The following SMIM15 variants were observed in gnomAD, a reference collection of about 807,000 sequenced individuals.
The protein encoded by SMIM15 is UPF0542 protein C5orf43.
A neutral mutation model predicts 6.8 loss-of-function variants in SMIM15; 5 were observed. The observed-to-expected ratio is 0.74, with a 90% CI of 0.39 to 1.56. The LOEUF (loss-of-function observed/expected upper bound fraction) is 1.56. SMIM15 is among the 40% of genes most tolerant of loss of function. The pLI is 0.03. For synonymous variants in SMIM15, 30 were observed against 30.8 expected, an observed-to-expected ratio of 0.97 and a Z score of 0.09; for missense variants, 81 against 84.8, an observed-to-expected ratio of 0.96 and a Z score of 0.18.
intron 1 of SMIM15, 49 bp from the exon 2 acceptor site, chr5:61,161,276 C>T (rs1741412984): frequency 6.6e-6 from 1 of 152,112 alleles, no homozygotes; most frequent in Middle Eastern, 3.2e-3. Context: ...GTCACAATTT[C>T]AGGATAATTG....
chr5:61,161,295 T>C (rs1428338968), intron 1 of SMIM15, 68 bp from the exon 2 acceptor site: 1 of 152,142 alleles, frequency 6.6e-6, no homozygotes, highest in Non-Finnish European at 1.5e-5. Flanking sequence ...TGTAATAAAA[T>C]TTTAAATGGA....
rs750032152 is a variant in SMIM15 at position 61,160,012 on chromosome 5, CCTT to C, written c.157_159del (p.Lys53del). On this transcript the variant is annotated inframe_deletion, in exon 3 of 3. Coordinates refer to ENST00000339020, the MANE Select transcript of SMIM15 (RefSeq NM_001048249.4). ...TGGCGTTTTTGCTTCTTCTTTTGCTCCTTCTCCCTGGCCTCAATCATCTTGGCC... is the reference window on the plus strand; with the variant it reads ...TGGCGTTTTTGCTTCTTCTTTTGCTCCTCCCTGGCCTCAATCATCTTGGCC... 24 of 1,613,966 alleles carry C rather than the reference CCTT, an allele frequency of 1.5e-5. No homozygotes were observed. Among genetic ancestry groups the C allele is most frequent in the Non-Finnish European group, 2.0e-5 (24 of 1,180,032 alleles).
chr5:61,159,970 C>G lies in SMIM15; in HGVS notation c.202G>C (p.Ala68Pro). The change falls in exon 3 of 3, where the codon GCT (alanine) becomes CCT (proline). Residue 68 changes from alanine to proline, a missense_variant. By Grantham distance (27) the Ala-to-Pro change is conservative. Coordinates refer to ENST00000339020, the MANE Select transcript of SMIM15 (RefSeq NM_001048249.4). ...KQKRQENIAK[A>P]KRLKKD is the part of the protein sequence containing the mutation. ...CTTCAATCCTTTTTTAGTCGTTTAG[C>G]TTTTGCAATGTTTTCTTGGCGTTTT... 6.2e-7 allele frequency: 1 copy of G among 1,613,096 alleles called. No homozygotes were observed. Among genetic ancestry groups the G allele is most frequent in the Middle Eastern group, 1.9e-4 (1 of 5,216 alleles).
Position 61,160,179 on chromosome 5 carries a change from G to A in SMIM15, c.-8C>T. 1 of 1,611,378 alleles carries A rather than the reference G, an allele frequency of 6.2e-7. No individual in the cohort carries two copies. Among genetic ancestry groups the A allele is most frequent in the Non-Finnish European group, 8.5e-7 (1 of 1,178,844 alleles). On this transcript the variant is annotated 5_prime_UTR_variant, in exon 3 of 3. Coordinates refer to ENST00000339020, the MANE Select transcript of SMIM15 (RefSeq NM_001048249.4). The stretch of plus-strand genomic sequence containing the variant: ...AGCCTTTATATCAAACATCTTCACA[G>A]CAGTCTTATGAAAACTGGGGCTGGG...
At chr5:61,161,277 A>T (rs2111849223) in intron 1 of SMIM15, 50 bp from the exon 2 acceptor site, 1 of 152,344 alleles carries the variant, frequency 6.6e-6, no homozygotes, top group Admixed American at 6.5e-5. Context: ...TCACAATTTC[A>T]GGATAATTGT....
chr5:61,160,698 G>A (rs958310062), intron 2 of SMIM15, among the ~76,000 whole-genome samples: 1 of 152,208 alleles, frequency 6.6e-6, no homozygotes, highest in African/African-American at 2.4e-5. Context: ...CGCAGAGAAG[G>A]AGAGATGACT....
Position 61,160,148 on chromosome 5 carries a change from A to T in SMIM15, c.24T>A (p.Ala8=). 6.2e-7 allele frequency: 1 copy of T among 1,613,950 alleles called. No individual in the cohort carries two copies. Among genetic ancestry groups the T allele is most frequent in the African/African-American group, 1.3e-5 (1 of 75,040 alleles). The change falls in exon 3 of 3, where the codon GCT becomes GCA. Residue 8 remains alanine, a synonymous_variant. Transcript: ENST00000339020. MFDIKAW[A]EYVVEWAAKD... is the part of the protein sequence containing the mutation. The stretch of plus-strand genomic sequence containing the variant: ...TTGCAGCCCATTCCACAACATACTC[A>T]GCCCAAGCCTTTATATCAAACATCT...
chr5:61,161,558 T>C (rs1741416970), intron 1 of SMIM15, among the ~76,000 whole-genome samples: 1 of 152,196 alleles, frequency 6.6e-6, no homozygotes, highest in South Asian at 2.1e-4. Flanking sequence ...AGATTTTCAA[T>C]TTTTATACTA....
rs1561142781 is a variant in SMIM15 at position 61,157,989 on chromosome 5, T to TCACACACACACACACA, written c.*1957_*1958insTGTGTGTGTGTGTGTG. Reference sequence around the variant, plus strand: ...ACAATATTCTCTATACTCCAGCCCCTTACACACACACACACACACACACAC... The same window carrying TCACACACACACACACA: ...ACAATATTCTCTATACTCCAGCCCCTCACACACACACACACATACACACACACACACACACACACAC... On this transcript the variant is annotated 3_prime_UTR_variant, in exon 3 of 3. Transcript: ENST00000339020. 3 of 38,542 alleles carry TCACACACACACACACA rather than the reference T, an allele frequency of 7.8e-5. No homozygotes were observed. The highest frequency in any genetic ancestry group is 1.1e-4 in the Non-Finnish European group (2 of 18,318). The allele number at this position is 38,542 out of a possible 1,614,324, so 2.4% of individuals were successfully genotyped here. A position where few individuals can be genotyped will look rare whatever the true frequency, so the allele number is the denominator to read the frequency against.
rs757003437 is a variant in SMIM15, at chr5:61,159,900, TA to T, written c.*46del. 43 of 1,596,376 alleles carry T rather than the reference TA, an allele frequency of 2.7e-5. No homozygotes were observed. Among genetic ancestry groups the T allele is most frequent in the Middle Eastern group, 2.2e-4 (1 of 4,446 alleles). On this transcript the variant is annotated 3_prime_UTR_variant, in exon 3 of 3. Coordinates refer to ENST00000339020, the MANE Select transcript of SMIM15 (RefSeq NM_001048249.4). ...TTTAGTGGATTCTTCCAAAGCTGTG[TA>T]ATTTTCCAAATGATTTTCCTCTGGT...
rs886674890 is a variant in SMIM15 at position 61,161,073 on chromosome 5, A to C, written c.-29+15T>G. 6.6e-6 allele frequency: 1 copy of C among 152,098 alleles called. No homozygotes were observed. Among genetic ancestry groups the C allele is most frequent in the Non-Finnish European group, 1.5e-5 (1 of 68,008 alleles). 9.4% of individuals were successfully genotyped at this position (152,098 alleles called of 1,614,324 possible). On this transcript the variant is annotated intron_variant, in intron 2 of 2. Coordinates refer to ENST00000339020, the MANE Select transcript of SMIM15 (RefSeq NM_001048249.4). The stretch of plus-strand genomic sequence containing the variant: ...TTACAATTTCAACTGGAATTTTTTT[A>C]AAAAAATCATCTACCTTATGCTTGA...
intron 1 of SMIM15, among the ~76,000 whole-genome samples, chr5:61,161,878 A>C (rs1741424279): frequency 6.6e-6 from 1 of 152,174 alleles, no homozygotes; most frequent in Non-Finnish European, 1.5e-5. Flanking sequence ...AGAATTAGGT[A>C]CTACTGAGAT....
At position 61,162,410 on chromosome 5, in the gene SMIM15, A is replaced by AT; in HGVS notation, c.-363dup. ...AGCTGCAGCCACCAACTTCCCCTAC[A>AT]TAGCCCCACGGGATCGGATCCCACT... On this transcript the variant is annotated 5_prime_UTR_variant, in exon 1 of 3. In the 5' UTR this introduces an upstream ATG that the reference lacks. Transcript: ENST00000339020. This position sits in a 1 kb window ranked among gnomAD's most constrained non-coding sequence, Gnocchi z 4.4. The AT allele has an allele frequency of 1.3e-5, 2 of 152,492 alleles. 1 individual carries two copies. The highest frequency in any genetic ancestry group is 3.9e-4 in the East Asian group (2 of 5,186). The allele number at this position is 152,492 out of a possible 1,614,324, so 9.4% of individuals were successfully genotyped here. A position where few individuals can be genotyped will look rare whatever the true frequency, so the allele number is the denominator to read the frequency against.
Position 61,159,278 on chromosome 5 carries a change from TC to T in SMIM15, c.*668del, listed in dbSNP as rs1411981406. 1 of 152,762 alleles carries T rather than the reference TC, an allele frequency of 6.5e-6. No homozygotes were observed. The highest frequency in any genetic ancestry group is 1.9e-4 in the East Asian group (1 of 5,204). The allele number at this position is 152,762 out of a possible 1,614,324, so 9.5% of individuals were successfully genotyped here. A position where few individuals can be genotyped will look rare whatever the true frequency, so the allele number is the denominator to read the frequency against. On this transcript the variant is annotated 3_prime_UTR_variant, in exon 3 of 3. Coordinates refer to ENST00000339020, the MANE Select transcript of SMIM15 (RefSeq NM_001048249.4). The stretch of plus-strand genomic sequence containing the variant: ...CAGTGTTTGTGAGTACAAAAATTGT[TC>T]TGTCCAGTAGGTGGTATTCTACATA...
At position 61,159,913 on chromosome 5, in the gene SMIM15, G is replaced by A. The variant is rs374184400; in HGVS notation, c.*34C>T. On this transcript the variant is annotated 3_prime_UTR_variant, in exon 3 of 3. Transcript: ENST00000339020. Reference sequence around the variant, plus strand: ...TCCAAAGCTGTGTAATTTTCCAAATGATTTTCCTCTGGTTGCAAAGCCTGT... The same window carrying A: ...TCCAAAGCTGTGTAATTTTCCAAATAATTTTCCTCTGGTTGCAAAGCCTGT... 4.1e-4 allele frequency: 661 copies of A among 1,605,670 alleles called. 1 individual carries two copies. Among genetic ancestry groups the A allele is most frequent in the Non-Finnish European group, 5.4e-4 (640 of 1,176,286 alleles).
rs1219461025 is a variant in SMIM15 at position 61,159,464 on chromosome 5, TAAAC to T, written c.*479_*482del. ...GAAAGCCAGAAATGATTCTAAGAAATAAACAATAATAATAAAAGATGTAATTAAT... is the reference window on the plus strand; with the variant it reads ...GAAAGCCAGAAATGATTCTAAGAAATAATAATAATAAAAGATGTAATTAAT... On this transcript the variant is annotated 3_prime_UTR_variant, in exon 3 of 3. Transcript: ENST00000339020. 1.9e-5 allele frequency: 3 copies of T among 153,924 alleles called. No individual in the cohort carries two copies. The highest frequency in any genetic ancestry group is 1.9e-4 in the East Asian group (1 of 5,214). 9.5% of individuals were successfully genotyped at this position (153,924 alleles called of 1,614,324 possible).
rs1379886506 is a variant in SMIM15 at position 61,158,601 on chromosome 5, C to G, written c.*1346G>C. The G allele has an allele frequency of 2.7e-5, 4 of 149,312 alleles. No individual in the cohort carries two copies. The highest frequency in any genetic ancestry group is 5.9e-5 in the Non-Finnish European group (4 of 67,498). 9.2% of individuals were successfully genotyped at this position (149,312 alleles called of 1,614,324 possible). ...AAAAAAAAAAAAAAATCCAGGACCTCTTTATAAAAAATTATCAAATTTATT... is the reference window on the plus strand; with the variant it reads ...AAAAAAAAAAAAAAATCCAGGACCTGTTTATAAAAAATTATCAAATTTATT... On this transcript the variant is annotated 3_prime_UTR_variant, in exon 3 of 3. Transcript: ENST00000339020.
At chr5:61,160,225 G>C in intron 2 of SMIM15, 26 bp from the exon 3 acceptor site, 1 of 1,536,568 alleles carries the variant, frequency 6.5e-7, no homozygotes, top group Non-Finnish European at 8.8e-7. Context: ...GGAGAACACA[G>C]AGGAAAAAAA....
rs1741382447 is a variant in SMIM15 at position 61,159,864 on chromosome 5, AAAG to A, written c.*80_*82del. On this transcript the variant is annotated 3_prime_UTR_variant, in exon 3 of 3. Coordinates refer to ENST00000339020, the MANE Select transcript of SMIM15 (RefSeq NM_001048249.4). ...ACTAAATCATACTGTCAAGAAATCC[AAAG>A]AAGAAACTTTAGTGGATTCTTCCAA... 2.7e-6 allele frequency: 4 copies of A among 1,464,324 alleles called. No individual in the cohort carries two copies. In the South Asian group the frequency reaches 5.0e-5, roughly 18 times the overall value. The allele number at this position is 1,464,324 out of a possible 1,614,324, so 90.7% of individuals were successfully genotyped here.
Sources: allele counts gnomAD v4.1 joint callset (sites outside exome capture counted in the v4.1 genomes callset), GRCh38; gene constraint gnomAD v4.1.1; non-coding constraint Gnocchi (gnomAD v3.1); transcripts MANE v1.5; gene names NCBI Gene and HGNC (gene_info 2026-07-23, HGNC 2026-07-21).